MLXIPL: variants seen among roughly 807,000 people sequenced by gnomAD.
MLXIPL encodes the protein MLX interacting protein like.
MLXIPL carries 49 observed loss-of-function variants against 81.5 expected under a neutral mutation model. That is an observed-to-expected ratio of 0.60 (90% CI 0.48 to 0.76). The LOEUF is 0.76. Ranked by LOEUF, MLXIPL falls within the 30% of genes least tolerant of loss-of-function variation. The pLI is 0.00. For synonymous variants in MLXIPL, 466 were observed against 485.5 expected, an observed-to-expected ratio of 0.96 and a Z score of 0.53; for missense variants, 1,053 against 1,167.0, an observed-to-expected ratio of 0.90 and a Z score of 1.42.
the MLXIPL span, among the ~76,000 whole-genome samples, chr7:73,640,347 G>A: frequency 6.7e-6 from 1 of 149,794 alleles, no homozygotes; most frequent in African/African-American, 2.5e-5. Context: ...GGAGTCTACA[G>A]TGAGCCAAAT....
intron 7 of MLXIPL, among the ~76,000 whole-genome samples, chr7:73,602,078 G>GCCTGCCTT (rs1563486977): frequency 4.8e-5 from 5 of 105,128 alleles, no homozygotes; most frequent in African/African-American, 1.6e-4. Flanking sequence ...CCACCTGCCT[G>GCCTGCCTT]CCTGCCTGCC....
Position 73,624,309 on chromosome 7 carries a change from G to T in MLXIPL, c.184C>A (p.Leu62Met). The T allele has an allele frequency of 6.3e-7, 1 of 1,587,334 alleles. No homozygotes were observed. The highest frequency in any genetic ancestry group is 8.6e-7 in the Non-Finnish European group (1 of 1,168,868). The change falls in exon 1 of 17, where the codon CTG (leucine) becomes ATG (methionine). Residue 62 changes from leucine (L) to methionine (M), a missense_variant. Leu to Met is a conservative substitution (Grantham distance 15). Transcript: ENST00000313375. ...CCCTCCTGGTCGCGCCGCCGGGGCA[G>T]CGAGTCGCTGTGCGGCGACGACACC... ...FMVSSPHSDSLPRRRDQEGSV... is the reference protein window; with the variant it reads ...FMVSSPHSDSMPRRRDQEGSV...
intron 1 of MLXIPL, among the ~76,000 whole-genome samples, chr7:73,616,589 T>A (rs1325555911): frequency 1.3e-5 from 2 of 152,110 alleles, no homozygotes; most frequent in Non-Finnish European, 2.9e-5. Context: ...AGCTCACGCC[T>A]GTCATCCCAG....
chr7:73,636,210 G>A, the MLXIPL span, among the ~76,000 whole-genome samples: 1 of 152,126 alleles, frequency 6.6e-6, no homozygotes, highest in Non-Finnish European at 1.5e-5. Context: ...GGGAGTTTAA[G>A]ACTAGCCTGG....
chr7:73,605,794 C>T, intron 6 of MLXIPL, 26 bp from the exon 7 acceptor site: 2 of 1,609,440 alleles, frequency 1.2e-6, no homozygotes, highest in Non-Finnish European at 1.7e-6. Context: ...GCGACATCAG[C>T]AGCAGCAGGC....
chr7:73,630,314 A>C, the MLXIPL span, among the ~76,000 whole-genome samples: 2 of 92,174 alleles, frequency 2.2e-5, no homozygotes, highest in East Asian at 4.0e-4. Flanking sequence ...TTTGAGATGG[A>C]GTCTCACTCA....
Position 73,593,920 on chromosome 7 carries a change from A to T in MLXIPL, c.2504T>A (p.Ile835Asn). 1 of 1,614,102 alleles carries T rather than the reference A, an allele frequency of 6.2e-7. No homozygotes were observed. Among genetic ancestry groups the T allele is most frequent in the Non-Finnish European group, 8.5e-7 (1 of 1,180,014 alleles). Residue 835 changes from isoleucine (I) to asparagine (N), a missense_variant, in exon 17 of 17, where the codon ATC (isoleucine) becomes AAC (asparagine). By Grantham distance (149) the Ile-to-Asn change is moderately radical. Around this residue, in one of 3 missense-constraint regions of MLXIPL, gnomAD observed 823 missense variants for 933.0 expected, o/e 0.88. Transcript: ENST00000313375. The part of the protein sequence containing the change: ...STSILTDPGR[I>N]PEQATRAVTE... Reference sequence around the variant, plus strand: ...GACTGCCCGTGTGGCTTGCTCAGGGATGCGGCCCGGGTCGGTCAGGATACT... The same window carrying T: ...GACTGCCCGTGTGGCTTGCTCAGGGTTGCGGCCCGGGTCGGTCAGGATACT...
At position 73,616,157 on chromosome 7, in the gene MLXIPL, T is replaced by C. The variant is rs1554600729; in HGVS notation, c.314A>G (p.Lys105Arg). Residue 105 changes from lysine (K) to arginine (R), a missense_variant, in exon 2 of 17, where the codon AAG becomes AGG. Around this residue, in one of 3 missense-constraint regions of MLXIPL, gnomAD observed 226 missense variants for 216.2 expected, o/e 1.05. Transcript: ENST00000313375. ...LAYSGKLVSP[K>R]WKNFKGLKLL... ...CTTGAGGCCTTTGAAATTCTTCCAC[T>C]TGGGAGACACCAGCTTGCCACTGTC... 1.2e-6 allele frequency: 2 copies of C among 1,613,920 alleles called. No homozygotes were observed. The highest frequency in any genetic ancestry group is 3.3e-5 in the Admixed American group (2 of 59,988).
At position 73,596,666 on chromosome 7, in the gene MLXIPL, C is replaced by G; in HGVS notation, c.1795G>C (p.Glu599Gln). 6.3e-7 allele frequency: 1 copy of G among 1,590,650 alleles called. No homozygotes were observed. Among genetic ancestry groups the G allele is most frequent in the Non-Finnish European group, 8.6e-7 (1 of 1,168,382 alleles). Reference sequence around the variant, plus strand: ...CTGGGCGCTGGGGGTGAGAGCCGCTCCGCTTTGGGGACAAGCAGGGGCCTG... The same window carrying G: ...CTGGGCGCTGGGGGTGAGAGCCGCTGCGCTTTGGGGACAAGCAGGGGCCTG... ...PSRPLLVPKAERLSPPAPSGS... is the reference protein window; with the variant it reads ...PSRPLLVPKAQRLSPPAPSGS... Residue 599 changes from glutamate (E) to glutamine (Q), a missense_variant, in exon 11 of 17, where the codon GAG (glutamate) becomes CAG (glutamine). Physicochemically the swap from Glu to Gln is conservative, Grantham distance 29 (BLOSUM62 2). Coordinates refer to ENST00000313375, the MANE Select transcript of MLXIPL (RefSeq NM_032951.3). This position sits in a 1 kb window ranked among gnomAD's most constrained non-coding sequence, Gnocchi z 4.7.
chr7:73,633,940 C>T, the MLXIPL span, among the ~76,000 whole-genome samples: 6 of 152,272 alleles, frequency 3.9e-5, no homozygotes, highest in East Asian at 3.9e-4. Flanking sequence ...ATCAGGCCTA[C>T]GGAAGGACTT....
upstream of MLXIPL, among the ~76,000 whole-genome samples, chr7:73,626,338 T>C (rs1315232833): frequency 6.6e-6 from 1 of 152,180 alleles, no homozygotes; most frequent in Non-Finnish European, 1.5e-5. Flanking sequence ...GGTCTCGCTC[T>C]GTCACCCAGG....
chr7:73,621,185 C>A (rs1340267315), intron 1 of MLXIPL, among the ~76,000 whole-genome samples: 1 of 151,866 alleles, frequency 6.6e-6, no homozygotes, highest in Non-Finnish European at 1.5e-5. Flanking sequence ...TTTTAGATTG[C>A]CCCCTAACCA....
the MLXIPL span, among the ~76,000 whole-genome samples, chr7:73,635,662 T>C: frequency 0.047 from 7,099 of 151,578 alleles, 191 homozygotes; most frequent in Non-Finnish European, 0.063. Context: ...ATCTCTTCTA[T>C]CTATCCATCC....
intron 8 of MLXIPL, among the ~76,000 whole-genome samples, chr7:73,599,248 A>G (rs1794592617): frequency 6.6e-6 from 1 of 151,664 alleles, no homozygotes; most frequent in Admixed American, 6.6e-5. Context: ...TCTAAGGCCC[A>G]GAAACTCCCC....
chr7:73,606,920 T>A, intron 5 of MLXIPL, 54 bp downstream of exon 5: 3 of 1,588,566 alleles, frequency 1.9e-6, no homozygotes, highest in Non-Finnish European at 2.6e-6. Flanking sequence ...CTGCCTCCCA[T>A]CTACTTGGGG....
At chr7:73,605,847 C>A (rs879946403) in intron 6 of MLXIPL, 63 bp downstream of exon 6, 2 of 1,572,434 alleles carry the variant, frequency 1.3e-6, no homozygotes, top group South Asian at 2.3e-5. Flanking sequence ...GCCATCCCTC[C>A]CTTGGCCTCC....
chr7:73,620,577 GAAA>G (rs35474276), intron 1 of MLXIPL, among the ~76,000 whole-genome samples: 2,037 of 85,834 alleles, frequency 0.024, 67 homozygotes, highest in African/African-American at 0.086. Flanking sequence ...CACCTGTACT[GAAA>G]AAAAAAAAAA....
At chr7:73,626,109 T>C (rs1273930818), upstream of MLXIPL, among the ~76,000 whole-genome samples, 1 of 151,854 alleles carries the variant, frequency 6.6e-6, no homozygotes, top group African/African-American at 2.4e-5. Flanking sequence ...GTTCAAGCGA[T>C]TCTCCTGCCT....
At chr7:73,615,994 A>C in intron 2 of MLXIPL, 77 bp downstream of exon 2, 3 of 1,165,410 alleles carry the variant, frequency 2.6e-6, no homozygotes, top group Non-Finnish European at 2.5e-6. Flanking sequence ...CTGGGCAGCC[A>C]CCATGTAGAA....
Sources: allele counts gnomAD v4.1 joint callset (sites outside exome capture counted in the v4.1 genomes callset), GRCh38; gene constraint gnomAD v4.1.1; regional missense constraint gnomAD v4.1.1; non-coding constraint Gnocchi (gnomAD v3.1); transcripts MANE v1.5; gene names NCBI Gene and HGNC (gene_info 2026-07-23, HGNC 2026-07-21).